The following INPP5A variants were observed in gnomAD, a reference collection of about 807,000 sequenced individuals.
INPP5A encodes the protein 43 kDa inositol polyphosphate 5-phophatase.
A neutral mutation model predicts 65.2 loss-of-function variants in INPP5A; 14 were observed. That is an observed-to-expected ratio of 0.21 (90% confidence interval 0.14 to 0.34). The LOEUF (loss-of-function observed/expected upper bound fraction) is 0.34. Ranked by LOEUF, INPP5A falls within the 10% of genes least tolerant of loss-of-function variation. INPP5A has a pLI of 1.00. For synonymous variants in INPP5A, 207 were observed against 208.3 expected, an observed-to-expected ratio of 0.99 and a Z score of 0.05; for missense variants, 431 against 545.6, an observed-to-expected ratio of 0.79 and a Z score of 2.09.
chr10:132,565,605 CTGTG>C (rs556218655), intron 1 of INPP5A, among the ~76,000 whole-genome samples: 4 of 151,996 alleles, frequency 2.6e-5, no homozygotes, highest in Non-Finnish European at 4.4e-5. Flanking sequence ...ATGTATGTCA[CTGTG>C]TGTGCATGTG....
intron 12 of INPP5A, among the ~76,000 whole-genome samples, chr10:132,776,067 C>T (rs574563508): frequency 6.6e-6 from 1 of 152,130 alleles, no homozygotes; most frequent in African/African-American, 2.4e-5. Flanking sequence ...AGTTTCCACT[C>T]GTGTCCGCGG....
In INPP5A at chr10:132,668,948, A is replaced by G. The variant is rs181174202; in HGVS notation, c.306+18443A>G. Among the ~76,000 whole-genome samples the G allele has an allele frequency of 1.2e-4, 19 of 152,240 alleles. No individual in the cohort carries two copies. In the East Asian group the frequency reaches 3.7e-3, roughly 29 times the overall value. On this transcript the variant is annotated intron_variant, in intron 4 of 15. Coordinates refer to ENST00000368594, the MANE Select transcript of INPP5A (RefSeq NM_005539.5). ...TTTATCTTTGGGGTGCCGGAGACAC[A>G]GGAAGGTTAAGAAACAGCCGGTGAG...
At chr10:132,720,418 ACCTGGGTTCTGTCTGGGCGCCTTAGACGG>A (rs1845847528) in intron 8 of INPP5A, among the ~76,000 whole-genome samples, 2 of 118,616 alleles carry the variant, frequency 1.7e-5, no homozygotes, top group East Asian at 5.1e-4. Flanking sequence ...GTTCTGTGGT[ACCTGGGTTCTGTCTGGGCGCCTTAGACGG>A]CTGTCTTCAG....
chr10:132,636,058 T>C (rs2072347147), intron 2 of INPP5A, among the ~76,000 whole-genome samples: 1 of 151,412 alleles, frequency 6.6e-6, no homozygotes, highest in Non-Finnish European at 1.5e-5. Context: ...AATGTTGAAA[T>C]CTTGAAATCA....
intron 2 of INPP5A, among the ~76,000 whole-genome samples, chr10:132,619,855 C>T (rs1590872842): frequency 6.6e-6 from 1 of 152,356 alleles, no homozygotes; most frequent in East Asian, 1.9e-4. Context: ...GACAGGGTTT[C>T]ACCATATTGG....
In INPP5A at chr10:132,707,465, G is replaced by T. The variant is rs929567289; in HGVS notation, c.475-848G>T. Among the ~76,000 whole-genome samples, 1 of 152,212 alleles carries T rather than the reference G, an allele frequency of 6.6e-6. No individual in the cohort carries two copies. Among genetic ancestry groups the T allele is most frequent in the Non-Finnish European group, 1.5e-5 (1 of 68,048 alleles). On this transcript the variant is annotated intron_variant, in intron 6 of 15. Coordinates refer to ENST00000368594, the MANE Select transcript of INPP5A (RefSeq NM_005539.5). This position sits in a 1 kb window ranked among gnomAD's most constrained non-coding sequence, Gnocchi z 5.5. ...CTGTGAAGCTACCCTGTTCTGCATG[G>T]CTGTTTAAATTAAAATTAATGAAGA... is the stretch of plus-strand genomic sequence containing the variant.
rs972005264 is a variant in INPP5A, at chr10:132,572,793, G to A, written c.75+34622G>A. 5.9e-4 allele frequency among the ~76,000 whole-genome samples: 90 copies of A among 152,266 alleles called. 1 individual carries two copies. Among genetic ancestry groups the A allele is most frequent in the African/African-American group, 2.0e-3 (83 of 41,552 alleles). On this transcript the variant is annotated intron_variant, in intron 1 of 15. Coordinates refer to ENST00000368594, the MANE Select transcript of INPP5A (RefSeq NM_005539.5). Reference sequence around the variant, plus strand: ...GCTTCTGGCCCTGCCTCTGCTGGGCGTCTGTCTGCAGCGTGCCTTGGAGTG... The same window carrying A: ...GCTTCTGGCCCTGCCTCTGCTGGGCATCTGTCTGCAGCGTGCCTTGGAGTG...
At chr10:132,665,759 C>G (rs997199138) in intron 4 of INPP5A, among the ~76,000 whole-genome samples, 3 of 147,802 alleles carry the variant, frequency 2.0e-5, no homozygotes, top group Admixed American at 6.7e-5. Flanking sequence ...TCCCAGCACT[C>G]TGGGAGGCTG....
At position 132,674,273 on chromosome 10, in the gene INPP5A, A is replaced by G. The variant is rs1267051985; in HGVS notation, c.307-16119A>G. Among the ~76,000 whole-genome samples, 1 of 152,234 alleles carries G rather than the reference A, an allele frequency of 6.6e-6. No individual in the cohort carries two copies. Among genetic ancestry groups the G allele is most frequent in the Non-Finnish European group, 1.5e-5 (1 of 68,038 alleles). ...TGACCATCCAGCCAAACCATTGGCT[A>G]CGGCCCATGAATCAGTATATAATCA... On this transcript the variant is annotated intron_variant, in intron 4 of 15. Coordinates refer to ENST00000368594, the MANE Select transcript of INPP5A (RefSeq NM_005539.5). This position sits in a 1 kb window ranked among gnomAD's most constrained non-coding sequence, Gnocchi z 4.4.
At chr10:132,628,463 C>CGGGGG (rs55668291) in intron 2 of INPP5A, among the ~76,000 whole-genome samples, 13 of 23,308 alleles carry the variant, frequency 5.6e-4, no homozygotes, top group Non-Finnish European at 1.2e-3. Context: ...GCTCTGGTGG[C>CGGGGG]GGGGGGGGGG....
intron 1 of INPP5A, among the ~76,000 whole-genome samples, chr10:132,582,566 C>T (rs755868731): frequency 4.0e-5 from 6 of 151,710 alleles, no homozygotes; most frequent in Admixed American, 1.3e-4. Context: ...TAAAGGCATG[C>T]GCCACCATGC....
chr10:132,613,698 T>C (rs1282983226), intron 2 of INPP5A, among the ~76,000 whole-genome samples: 1 of 152,218 alleles, frequency 6.6e-6, no homozygotes, highest in African/African-American at 2.4e-5. Flanking sequence ...TTTCTTAGGC[T>C]ATCAGCCAGT....
At chr10:132,770,799 A>G (rs1187306501) in intron 12 of INPP5A, among the ~76,000 whole-genome samples, 1 of 152,228 alleles carries the variant, frequency 6.6e-6, no homozygotes, top group East Asian at 1.9e-4. Flanking sequence ...AGCCGCACAC[A>G]CAGGTCCCGG....
intron 2 of INPP5A, among the ~76,000 whole-genome samples, chr10:132,621,127 G>A (rs1329675152): frequency 6.6e-6 from 1 of 152,190 alleles, no homozygotes; most frequent in Non-Finnish European, 1.5e-5. Flanking sequence ...TTCTCAGCCT[G>A]TAAAGGGCAT....
In INPP5A at chr10:132,707,317, C is replaced by A. The variant is rs901484892; in HGVS notation, c.475-996C>A. Among the ~76,000 whole-genome samples, 1 of 151,688 alleles carries A rather than the reference C, an allele frequency of 6.6e-6. No individual in the cohort carries two copies. The highest frequency in any genetic ancestry group is 1.5e-5 in the Non-Finnish European group (1 of 67,964). On this transcript the variant is annotated intron_variant, in intron 6 of 15. Coordinates refer to ENST00000368594, the MANE Select transcript of INPP5A (RefSeq NM_005539.5). The surrounding 1 kb of genome is among the most constrained non-coding windows in gnomAD (Gnocchi z 5.5). ...GGGAACGGAATGGGCGGTGCCCTGC[C>A]CTGTTGGCTGCCGTTCCCCCGCCAC...
intron 1 of INPP5A, among the ~76,000 whole-genome samples, chr10:132,598,641 C>T (rs1302088972): frequency 2.0e-5 from 3 of 152,256 alleles, no homozygotes; most frequent in Non-Finnish European, 4.4e-5. Flanking sequence ...ACTTGGGTTT[C>T]TTCCAGCTTC....
intron 9 of INPP5A, among the ~76,000 whole-genome samples, chr10:132,733,220 A>G (rs1347479266): frequency 1.3e-5 from 2 of 152,146 alleles, no homozygotes; most frequent in African/African-American, 4.8e-5. Flanking sequence ...AACTAGTTAC[A>G]CCTGCAAGGC....
rs1004727698 is a variant in INPP5A, at chr10:132,549,898, A to G, written c.75+11727A>G. 1.1e-4 allele frequency among the ~76,000 whole-genome samples: 16 copies of G among 151,568 alleles called. No homozygotes were observed. The highest frequency in any genetic ancestry group is 3.4e-4 in the African/African-American group (14 of 41,178). On this transcript the variant is annotated intron_variant, in intron 1 of 15. Coordinates refer to ENST00000368594, the MANE Select transcript of INPP5A (RefSeq NM_005539.5). The surrounding 1 kb of genome is among the most constrained non-coding windows in gnomAD (Gnocchi z 4.9). Reference sequence around the variant, plus strand: ...TAACCAGGCATTAGGGGATGGGGTCAGCCTCGAGTTACTAACCGGGCATTA... The same window carrying G: ...TAACCAGGCATTAGGGGATGGGGTCGGCCTCGAGTTACTAACCGGGCATTA...
intron 4 of INPP5A, among the ~76,000 whole-genome samples, chr10:132,687,331 C>T (rs141932568): frequency 1.1e-4 from 16 of 152,328 alleles, no homozygotes; most frequent in Admixed American, 3.3e-4. Context: ...AGTGAGATAG[C>T]GGGTCAGTCG....
Sources: gnomAD v4.1 joint callset for allele counts (sites outside exome capture counted in the v4.1 genomes callset) on GRCh38, gnomAD v4.1.1 for gene constraint, Gnocchi (gnomAD v3.1) non-coding constraint, MANE v1.5 for transcripts, NCBI Gene and HGNC (gene_info 2026-07-23, HGNC 2026-07-21) for gene names.